TBC1D32: variants seen among roughly 807,000 people sequenced by gnomAD.
TBC1D32 encodes the protein TBC1 domain family member 32.
A neutral mutation model predicts 170.3 loss-of-function variants in TBC1D32; 151 were observed. The ratio of observed to expected loss-of-function variants is 0.89; its 90% CI spans 0.78 to 1.01. TBC1D32 has a LOEUF of 1.01. Among genes scored for constraint, TBC1D32 ranks in the 50% least tolerant of loss-of-function variants. The probability of loss-of-function intolerance (pLI) is 0.00; values close to 1 mark genes in which losing one functional copy is unlikely to be tolerated. For synonymous variants in TBC1D32, 498 were observed against 488.0 expected (o/e 1.02, Z -0.27); for missense variants, 1,464 against 1,457.1 (o/e 1.00, Z -0.08).
intron 10 of TBC1D32, 60 bp downstream of exon 10, chr6:121,299,386 T>TA: frequency 7.0e-7 from 1 of 1,424,912 alleles, no homozygotes; most frequent in Non-Finnish European, 9.5e-7. Context: ...GTCAAGTTAT[T>TA]ACATCATATA....
At chr6:121,294,046 G>C (rs1805257298) in intron 11 of TBC1D32, among the ~76,000 whole-genome samples, 1 of 152,108 alleles carries the variant, frequency 6.6e-6, no homozygotes, top group South Asian at 2.1e-4. Context: ...AAGACTAAGA[G>C]AAGATTCATT....
At chr6:121,285,739 A>G (rs1252913870) in intron 12 of TBC1D32, among the ~76,000 whole-genome samples, 11 of 152,166 alleles carry the variant, frequency 7.2e-5, no homozygotes, top group Non-Finnish European at 1.6e-4. Context: ...GGCACCCCCC[A>G]GTAGGGGCAG....
chr6:121,292,505 G>A (rs1805015843), intron 11 of TBC1D32, among the ~76,000 whole-genome samples: 1 of 152,110 alleles, frequency 6.6e-6, no homozygotes, highest in African/African-American at 2.4e-5. Context: ...TAAGTTAAGG[G>A]CAGAAGAAAG....
At chr6:121,208,992 T>C (rs1162849412) in intron 21 of TBC1D32, among the ~76,000 whole-genome samples, 1 of 152,164 alleles carries the variant, frequency 6.6e-6, no homozygotes, top group Non-Finnish European at 1.5e-5. Flanking sequence ...TGGAGGACTA[T>C]GGAATCCTCT....
In TBC1D32 at chr6:121,282,423, C is replaced by T. The variant is rs148363373; in HGVS notation, c.1466-737G>A. On this transcript the variant is annotated intron_variant, in intron 13 of 31. Transcript: ENST00000398212. Reference sequence around the variant, plus strand: ...AAGATACAACACTTTAGTATTTAGACACTGTATGTCTATGCATTATTGGTG... The same window carrying T: ...AAGATACAACACTTTAGTATTTAGATACTGTATGTCTATGCATTATTGGTG... Among the ~76,000 whole-genome samples the T allele has an allele frequency of 2.0e-3, 296 of 151,744 alleles. 2 individuals carry two copies. Among genetic ancestry groups the T allele is most frequent in the African/African-American group, 6.6e-3 (276 of 41,520 alleles).
At chr6:121,326,771 A>G (rs970762730) in intron 1 of TBC1D32, among the ~76,000 whole-genome samples, 6 of 145,688 alleles carry the variant, frequency 4.1e-5, no homozygotes, top group Non-Finnish European at 6.1e-5. Context: ...TCTTCTAGGG[A>G]AAAAAAAAAA....
chr6:121,235,509 C>A (rs562633872), intron 20 of TBC1D32, among the ~76,000 whole-genome samples: 1 of 152,252 alleles, frequency 6.6e-6, no homozygotes, highest in East Asian at 1.9e-4. Flanking sequence ...CTGAGTCATA[C>A]AAATCACCAG....
In TBC1D32 at chr6:121,294,678, TA is replaced by T. The variant is rs1041170667; in HGVS notation, c.1141-19del. 3.8e-6 allele frequency: 6 copies of T among 1,589,058 alleles called. No individual in the cohort carries two copies. Among genetic ancestry groups the T allele is most frequent in the Non-Finnish European group, 5.2e-6 (6 of 1,158,960 alleles). ...GTAGTTACCTGATGAAATAATAAGTTATTAATTCCAGAACTTTGCAGCCCTC... is the reference window on the plus strand; with the variant it reads ...GTAGTTACCTGATGAAATAATAAGTTTTAATTCCAGAACTTTGCAGCCCTC... On this transcript the variant is annotated intron_variant, in intron 10 of 31. Coordinates refer to ENST00000398212, the MANE Select transcript of TBC1D32 (RefSeq NM_152730.6).
At chr6:121,124,793 CAATTCTGCTGTTG>C (rs1780657043) in intron 26 of TBC1D32, among the ~76,000 whole-genome samples, 1 of 151,602 alleles carries the variant, frequency 6.6e-6, no homozygotes, top group Non-Finnish European at 1.5e-5. Flanking sequence ...TCTGTGTGAT[CAATTCTGCTGTTG>C]ATGCTCTTTA....
At chr6:121,317,390 C>T in intron 3 of TBC1D32, 105 bp downstream of exon 3, 2 of 840,334 alleles carry the variant, frequency 2.4e-6, no homozygotes, top group South Asian at 2.9e-5. Flanking sequence ...TATTTTTCTC[C>T]TGAATCTTAA....
At chr6:121,325,318 T>C (rs747182185) in intron 1 of TBC1D32, among the ~76,000 whole-genome samples, 38 of 151,510 alleles carry the variant, frequency 2.5e-4, no homozygotes, top group Non-Finnish European at 4.4e-4. Context: ...TCCATAAAAG[T>C]ATCACTACTT....
intron 30 of TBC1D32, 59 bp downstream of exon 30, chr6:121,105,963 GT>G: frequency 6.9e-7 from 1 of 1,447,688 alleles, no homozygotes; most frequent in Non-Finnish European, 9.2e-7. Flanking sequence ...TGAGAACACA[GT>G]TTTATTTGAA....
intron 24 of TBC1D32, among the ~76,000 whole-genome samples, chr6:121,132,252 G>C (rs902239534): frequency 4.6e-5 from 7 of 151,840 alleles, no homozygotes; most frequent in African/African-American, 1.7e-4. Context: ...ATGCTATTCT[G>C]GCATATTGAT....
intron 22 of TBC1D32, among the ~76,000 whole-genome samples, chr6:121,190,901 C>A (rs1789915725): frequency 6.6e-6 from 1 of 151,586 alleles, no homozygotes; most frequent in African/African-American, 2.4e-5. Context: ...TTCTCTTTAT[C>A]CCGCCACTTT....
chr6:121,218,098 T>C lies in TBC1D32; in HGVS notation c.2481+5138A>G, dbSNP rs58516075. Among the ~76,000 whole-genome samples the C allele has an allele frequency of 3.3e-4, 51 of 152,328 alleles. No homozygotes were observed. The East Asian group carries it at 9.8e-3, about 29-fold the overall frequency. On this transcript the variant is annotated intron_variant, in intron 21 of 31. Transcript: ENST00000398212. The stretch of plus-strand genomic sequence containing the variant: ...ATATAAAACTGGCAGTCAAGTCATA[T>C]AGCTCAAAGAGTTGTCAGTGTGTAA...
rs1798966438 is a variant in TBC1D32 at position 121,256,086 on chromosome 6, T to C, written c.1933A>G (p.Lys645Glu). 1 of 1,605,008 alleles carries C rather than the reference T, an allele frequency of 6.2e-7. No homozygotes were observed. The highest frequency in any genetic ancestry group is 1.1e-5 in the South Asian group (1 of 88,234). Residue 645 changes from lysine to glutamate, a missense_variant and splice_region_variant, in exon 16 of 32, where the codon AAG (lysine) becomes GAG (glutamate). Physicochemically the swap from Lys to Glu is moderately conservative, Grantham distance 56 (BLOSUM62 1). Around this residue, in one of 3 missense-constraint regions of TBC1D32, gnomAD observed 1,363 missense variants for 1,338.1 expected, o/e 1.02. Transcript: ENST00000398212. ...LHESIAKAWKKTSLLSERIPT... is the reference protein window; with the variant it reads ...LHESIAKAWKETSLLSERIPT... ...AAACGAAGCTTGAAAATACTTACCT[T>C]TTTCCATGCCTTTGCTATAGATTCA...
intron 22 of TBC1D32, among the ~76,000 whole-genome samples, chr6:121,170,164 C>T (rs1030211411): frequency 4.6e-5 from 7 of 151,960 alleles, no homozygotes; most frequent in African/African-American, 1.2e-4. Flanking sequence ...CACACATACA[C>T]ACACACACAC....
intron 22 of TBC1D32, among the ~76,000 whole-genome samples, chr6:121,182,899 A>G (rs1177934364): frequency 3.3e-5 from 5 of 152,096 alleles, no homozygotes; most frequent in African/African-American, 9.7e-5. Flanking sequence ...GTAAATGGAT[A>G]CAAGTTTTAA....
In TBC1D32 at chr6:121,149,910, G is replaced by A. The variant is rs567944975; in HGVS notation, c.2773+10100C>T. ...ATGAGCATGGAATGTTTTTCCATTC[G>A]TTTGTGTCCTCTCTTATTTCCTTAA... On this transcript the variant is annotated intron_variant, in intron 24 of 31. Coordinates refer to ENST00000398212, the MANE Select transcript of TBC1D32 (RefSeq NM_152730.6). Among the ~76,000 whole-genome samples, 6 of 152,154 alleles carry A rather than the reference G, an allele frequency of 3.9e-5. No individual in the cohort carries two copies. In the South Asian group the frequency reaches 6.2e-4, roughly 16 times the overall value.
Sources: allele counts gnomAD v4.1 joint callset (sites outside exome capture counted in the v4.1 genomes callset), GRCh38; gene constraint gnomAD v4.1.1; regional missense constraint gnomAD v4.1.1; transcripts MANE v1.5; gene names NCBI Gene and HGNC (gene_info 2026-07-23, HGNC 2026-07-21).